The following GRID1 variants were observed in gnomAD, a reference collection of about 807,000 sequenced individuals.
The protein encoded by GRID1 is glutamate ionotropic receptor delta type subunit 1.
In GRID1, 28 loss-of-function variants were observed where a neutral mutation model predicts 98.0. The observed-to-expected ratio is 0.29, with a 90% CI of 0.21 to 0.39. The LOEUF (loss-of-function observed/expected upper bound fraction) is 0.39. Among genes scored for constraint, GRID1 ranks in the 10% least tolerant of loss-of-function variants. The pLI, the probability that GRID1 is intolerant of heterozygous loss-of-function variation, is 1.00. For missense variants in GRID1, 1,111 were observed against 1,340.5 expected (o/e 0.83, Z 2.67); for synonymous variants, 553 against 538.5 (o/e 1.03, Z -0.37).
In GRID1 at chr10:85,940,344, A is replaced by T. The variant is rs74618658; in HGVS notation, c.727-24105T>A. 1.5e-3 allele frequency among the ~76,000 whole-genome samples: 222 copies of T among 152,258 alleles called. 1 individual carries two copies. Among genetic ancestry groups the T allele is most frequent in the African/African-American group, 5.0e-3 (208 of 41,534 alleles). ...CTAACCCATGTGTAGTGAATCTTCA[A>T]AGGAGGGCCCATCTCACTTAGCTTC... On this transcript the variant is annotated intron_variant, in intron 4 of 15. Transcript: ENST00000327946.
chr10:86,308,462 A>G (rs924382521), intron 2 of GRID1, among the ~76,000 whole-genome samples: 2 of 152,156 alleles, frequency 1.3e-5, no homozygotes, highest in African/African-American at 4.8e-5. Flanking sequence ...TGAAATACAA[A>G]CACCAAACAC....
chr10:86,355,593 C>A (rs928842334), intron 2 of GRID1, among the ~76,000 whole-genome samples: 2 of 152,216 alleles, frequency 1.3e-5, no homozygotes, highest in African/African-American at 2.4e-5. Flanking sequence ...GCATCTCATA[C>A]CCTCCAGACC....
At chr10:86,312,179 T>G (rs1237882260) in intron 2 of GRID1, among the ~76,000 whole-genome samples, 12 of 152,238 alleles carry the variant, frequency 7.9e-5, no homozygotes, top group Admixed American at 7.9e-4. Context: ...CTCCAAATGT[T>G]TCTAGATGGC....
rs1554825169 is a variant in GRID1, at chr10:85,692,677, A to AAGAAG, written c.1997+30325_1997+30326insCTTCT. 3.6e-3 allele frequency among the ~76,000 whole-genome samples: 534 copies of AAGAAG among 150,180 alleles called. 4 individuals carry two copies. The highest frequency in any genetic ancestry group is 0.012 in the African/African-American group (499 of 40,478). On this transcript the variant is annotated intron_variant, in intron 12 of 15. Coordinates refer to ENST00000327946, the MANE Select transcript of GRID1 (RefSeq NM_017551.3). ...GTGAGACCCTGTTAAAAAAAAAAAA[A>AAGAAG]AAGAAGAAGAAGAAGAAAGAAACAC...
At chr10:86,167,149 A>G (rs527979372) in intron 3 of GRID1, among the ~76,000 whole-genome samples, 8 of 152,288 alleles carry the variant, frequency 5.3e-5, no homozygotes, top group Admixed American at 5.2e-4. Context: ...AGGTTTTTCC[A>G]CAGTTCTGAG....
At chr10:86,336,262 G>A (rs10788489) in intron 2 of GRID1, among the ~76,000 whole-genome samples, 145,662 of 152,320 alleles carry the variant, frequency 0.96, 69,754 homozygotes, top group East Asian at 1. Flanking sequence ...CACTAATAGG[G>A]TGCACAATGG....
intron 12 of GRID1, among the ~76,000 whole-genome samples, chr10:85,713,244 T>C (rs1290142047): frequency 6.6e-6 from 1 of 151,458 alleles, no homozygotes; most frequent in Admixed American, 6.6e-5. Flanking sequence ...ACCACAGAAA[T>C]AGAAAGGGTC....
chr10:85,836,319 T>G (rs1288671859), intron 8 of GRID1, among the ~76,000 whole-genome samples: 1 of 151,898 alleles, frequency 6.6e-6, no homozygotes, highest in Non-Finnish European at 1.5e-5. Context: ...TGGAAATGAC[T>G]GGTATGCTTT....
intron 3 of GRID1, among the ~76,000 whole-genome samples, chr10:86,189,763 T>C (rs1473778709): frequency 6.6e-6 from 1 of 150,998 alleles, no homozygotes; most frequent in Non-Finnish European, 1.5e-5. Context: ...CCCTATCCCC[T>C]GTTATGACAG....
intron 12 of GRID1, among the ~76,000 whole-genome samples, chr10:85,716,181 C>T (rs545300622): frequency 4.0e-4 from 61 of 152,274 alleles, no homozygotes; most frequent in Middle Eastern, 3.4e-3. Flanking sequence ...TGCTCGATTA[C>T]AGGCGTGAGA....
At chr10:85,808,796 G>A (rs572273478) in intron 8 of GRID1, among the ~76,000 whole-genome samples, 5 of 152,128 alleles carry the variant, frequency 3.3e-5, no homozygotes, top group East Asian at 1.9e-4. Context: ...ATGGTACAAC[G>A]TATCTCCCAC....
At chr10:86,351,209 A>G (rs1848457114) in intron 2 of GRID1, among the ~76,000 whole-genome samples, 1 of 152,274 alleles carries the variant, frequency 6.6e-6, no homozygotes, top group African/African-American at 2.4e-5. Context: ...AAATGGCTCC[A>G]GGACCCCAGC....
chr10:85,725,065 G>A (rs897351232), intron 10 of GRID1, among the ~76,000 whole-genome samples: 1 of 151,578 alleles, frequency 6.6e-6, no homozygotes, highest in African/African-American at 2.4e-5. Flanking sequence ...TTCTAGGCCT[G>A]TGTGCATCCT....
intron 6 of GRID1, 69 bp from the exon 7 acceptor site, chr10:85,856,259 G>C: frequency 7.2e-7 from 1 of 1,379,808 alleles, no homozygotes; most frequent in Non-Finnish European, 1.0e-6. Context: ...GAAACCCACA[G>C]AAAGGAGGAG....
chr10:85,837,397 C>A (rs917414221), intron 8 of GRID1, among the ~76,000 whole-genome samples: 1 of 152,184 alleles, frequency 6.6e-6, no homozygotes, highest in African/African-American at 2.4e-5. Context: ...GGCACCCCTG[C>A]CCATGCTAAC....
In GRID1 at chr10:85,963,100, T is replaced by G. The variant is rs560848090; in HGVS notation, c.727-46861A>C. Among the ~76,000 whole-genome samples, 467 of 152,334 alleles carry G rather than the reference T, an allele frequency of 3.1e-3. 1 individual carries two copies. The highest frequency in any genetic ancestry group is 0.011 in the African/African-American group (441 of 41,590). ...AACTGGAGGTTATTTCTTTATTTACTTCCCTTGCTGTAACTATATCATGGA... is the reference window on the plus strand; with the variant it reads ...AACTGGAGGTTATTTCTTTATTTACGTCCCTTGCTGTAACTATATCATGGA... On this transcript the variant is annotated intron_variant, in intron 4 of 15. Transcript: ENST00000327946.
chr10:86,210,242 A>G (rs566300508), intron 2 of GRID1, among the ~76,000 whole-genome samples: 55 of 152,318 alleles, frequency 3.6e-4, no homozygotes, highest in African/African-American at 1.2e-3. Context: ...AAAGACATAT[A>G]GCCGGGCTGA....
intron 4 of GRID1, among the ~76,000 whole-genome samples, chr10:85,961,773 C>T (rs1405094268): frequency 6.6e-6 from 1 of 151,876 alleles, no homozygotes; most frequent in Non-Finnish European, 1.5e-5. Flanking sequence ...CTCTTCCCTT[C>T]TTCCTTCTTT....
chr10:85,680,758 C>G lies in GRID1; in HGVS notation c.1998-33361G>C, dbSNP rs138529459. Among the ~76,000 whole-genome samples, 735 of 152,148 alleles carry G rather than the reference C, an allele frequency of 4.8e-3. 7 individuals carry two copies. Among genetic ancestry groups the G allele is most frequent in the African/African-American group, 0.017 (707 of 41,490 alleles). On this transcript the variant is annotated intron_variant, in intron 12 of 15. Transcript: ENST00000327946. ...CCATCAACACGGGCATTATCTTTGA[C>G]CAGATAAAGAAAATGTGGTACATAT...
Sources: allele counts gnomAD v4.1 joint callset (sites outside exome capture counted in the v4.1 genomes callset), GRCh38; gene constraint gnomAD v4.1.1; transcripts MANE v1.5; gene names NCBI Gene and HGNC (gene_info 2026-07-23, HGNC 2026-07-21).